KIAA1328: variants seen among roughly 807,000 people sequenced by gnomAD.
KIAA1328 encodes KIAA1328.
In KIAA1328, 52 loss-of-function variants were observed where a neutral mutation model predicts 68.1. The ratio of observed to expected loss-of-function variants is 0.76; its 90% CI spans 0.61 to 0.96. The LOEUF is 0.96. KIAA1328 is among the 40% of genes least tolerant of loss of function. KIAA1328 has a pLI of 0.00. For synonymous variants in KIAA1328, 232 were observed against 239.4 expected, an observed-to-expected ratio of 0.97 and a Z score of 0.28; for missense variants, 641 against 677.6, an observed-to-expected ratio of 0.95 and a Z score of 0.60.
intron 3 of KIAA1328, among the ~76,000 whole-genome samples, chr18:36,839,198 GC>G (rs1420713414): frequency 6.6e-6 from 1 of 152,014 alleles, no homozygotes; most frequent in Non-Finnish European, 1.5e-5. Context: ...CAAATACTAG[GC>G]CTCTTGAAGT....
chr18:37,128,890 GA>G (rs926140422), intron 7 of KIAA1328, among the ~76,000 whole-genome samples: 38 of 151,524 alleles, frequency 2.5e-4, no homozygotes, highest in Admixed American at 1.3e-3. Flanking sequence ...TGCTAAATGG[GA>G]AAAAAAAGAC....
intron 7 of KIAA1328, among the ~76,000 whole-genome samples, chr18:37,134,215 G>T (rs1026708231): frequency 6.6e-6 from 1 of 151,968 alleles, no homozygotes; most frequent in Non-Finnish European, 1.5e-5. Flanking sequence ...GTTTCACCAT[G>T]TTGTCCAGGC....
chr18:36,873,135 G>A (rs1424985242), intron 4 of KIAA1328, among the ~76,000 whole-genome samples: 1 of 152,106 alleles, frequency 6.6e-6, no homozygotes, highest in Non-Finnish European at 1.5e-5. Flanking sequence ...TGAGTATGAA[G>A]TCCTGGCTCA....
Position 37,222,467 on chromosome 18 carries a change from A to G in KIAA1328, c.*240A>G. On this transcript the variant is annotated 3_prime_UTR_variant, in exon 10 of 10. Transcript: ENST00000280020. Reference sequence around the variant, plus strand: ...GAAGATGGTATCTTTTATATGCTAAACAGATTAGAAAATTAACATAGGATA... The same window carrying G: ...GAAGATGGTATCTTTTATATGCTAAGCAGATTAGAAAATTAACATAGGATA... 7.5e-7 allele frequency: 1 copy of G among 1,334,638 alleles called. No individual in the cohort carries two copies. Among genetic ancestry groups the G allele is most frequent in the East Asian group, 3.1e-5 (1 of 31,802 alleles). The allele number at this position is 1,334,638 out of a possible 1,614,324, so 82.7% of individuals were successfully genotyped here. A position where few individuals can be genotyped will look rare whatever the true frequency, so the allele number is the denominator to read the frequency against.
At chr18:37,172,950 T>G in intron 8 of KIAA1328, 23 bp from the exon 9 acceptor site, 1 of 1,556,678 alleles carries the variant, frequency 6.4e-7, no homozygotes, top group South Asian at 1.2e-5. Flanking sequence ...ATGCCCAAAT[T>G]ATTTTCTTTA....
chr18:36,995,673 A>G (rs1037407787), intron 6 of KIAA1328, among the ~76,000 whole-genome samples: 40 of 152,216 alleles, frequency 2.6e-4, no homozygotes, highest in Non-Finnish European at 5.9e-5. Flanking sequence ...TGCATATACA[A>G]TGAACTGCTG....
intron 5 of KIAA1328, among the ~76,000 whole-genome samples, chr18:36,935,613 G>A (rs10164233): frequency 0.6 from 90,570 of 151,984 alleles, 28,836 homozygotes; most frequent in East Asian, 0.87. Context: ...TTATGGGGGT[G>A]GGGAGTGATC....
chr18:36,838,844 C>T (rs1391615369), intron 3 of KIAA1328, among the ~76,000 whole-genome samples: 4 of 152,096 alleles, frequency 2.6e-5, no homozygotes, highest in East Asian at 3.9e-4. Flanking sequence ...AAGTGATTCT[C>T]CTACCTCAGC....
At chr18:37,071,753 G>T (rs930441197) in intron 7 of KIAA1328, among the ~76,000 whole-genome samples, 3 of 152,042 alleles carry the variant, frequency 2.0e-5, no homozygotes, top group African/African-American at 4.8e-5. Flanking sequence ...TTGTTTTATT[G>T]GTTGCTCTAA....
chr18:36,895,845 G>T, intron 5 of KIAA1328: 1 of 454,020 alleles, frequency 2.2e-6, no homozygotes, highest in Non-Finnish European at 4.4e-6. Context: ...AGAGCAGAGA[G>T]ATCTCTCTGT....
intron 6 of KIAA1328, among the ~76,000 whole-genome samples, chr18:36,985,019 G>T (rs1464205012): frequency 6.6e-6 from 1 of 151,938 alleles, no homozygotes; most frequent in African/African-American, 2.4e-5. Context: ...TTCAATGAAG[G>T]ACTGGGCACA....
At chr18:37,099,254 C>G (rs990093983) in intron 7 of KIAA1328, among the ~76,000 whole-genome samples, 14 of 152,130 alleles carry the variant, frequency 9.2e-5, no homozygotes, top group African/African-American at 3.4e-4. Context: ...GAATGTGTCC[C>G]AGAGATTCTG....
chr18:37,084,168 GA>G, intron 7 of KIAA1328: 2 of 1,524,600 alleles, frequency 1.3e-6, no homozygotes, highest in Admixed American at 2.0e-5. Context: ...ACTGGTTGCT[GA>G]AAAACAGCTT....
intron 3 of KIAA1328, among the ~76,000 whole-genome samples, chr18:36,841,546 T>C (rs1217196967): frequency 6.6e-6 from 1 of 152,094 alleles, no homozygotes; most frequent in Non-Finnish European, 1.5e-5. Flanking sequence ...GTAATTCGTA[T>C]CCTGAACTTT....
intron 6 of KIAA1328, among the ~76,000 whole-genome samples, chr18:36,990,109 C>T (rs2053114771): frequency 6.6e-6 from 1 of 152,120 alleles, no homozygotes; most frequent in South Asian, 2.1e-4. Context: ...CTGTATTCTC[C>T]TTCAGCAATA....
In KIAA1328 at chr18:37,204,057, G is replaced by A. The variant is rs573061139; in HGVS notation, c.1524-17960G>A. Among the ~76,000 whole-genome samples, 160 of 152,220 alleles carry A rather than the reference G, an allele frequency of 1.1e-3. 2 individuals carry two copies. Among genetic ancestry groups the A allele is most frequent in the Non-Finnish European group, 1.0e-3 (69 of 67,996 alleles). ...GATCTCCTGACCTTGTGATCTGCCC[G>A]CCTCGGCCTCCCAAAGTGCTGGGAT... On this transcript the variant is annotated intron_variant, in intron 9 of 9. Coordinates refer to ENST00000280020, the MANE Select transcript of KIAA1328 (RefSeq NM_020776.3).
chr18:37,185,231 A>T (rs1001015432), intron 9 of KIAA1328, among the ~76,000 whole-genome samples: 2 of 152,126 alleles, frequency 1.3e-5, no homozygotes, highest in Non-Finnish European at 2.9e-5. Flanking sequence ...TGTCATTCAC[A>T]GCATGGCACA....
At chr18:37,212,397 G>A (rs887184701) in intron 9 of KIAA1328, among the ~76,000 whole-genome samples, 49 of 152,204 alleles carry the variant, frequency 3.2e-4, no homozygotes, top group African/African-American at 1.1e-3. Flanking sequence ...GAAAGTAGTC[G>A]AATCTTGCCT....
At position 36,835,238 on chromosome 18, in the gene KIAA1328, T is replaced by G; in HGVS notation, c.99T>G (p.Ile33Met). ...TTGTTTAATGGAAATCCTTAGGAAT[T>G]TCTGCTGAAGGAAATGTCAGATCAA... ...EEQSVVYVPGISAEGNVRSRH... is the reference protein window; with the variant it reads ...EEQSVVYVPGMSAEGNVRSRH... Residue 33 changes from isoleucine (I) to methionine (M), a missense_variant, in exon 3 of 10, where the codon ATT becomes ATG. Coordinates refer to ENST00000280020, the MANE Select transcript of KIAA1328 (RefSeq NM_020776.3). The G allele has an allele frequency of 6.2e-7, 1 of 1,610,198 alleles. No individual in the cohort carries two copies. The highest frequency in any genetic ancestry group is 8.5e-7 in the Non-Finnish European group (1 of 1,178,508).
Sources: gnomAD v4.1 joint callset for allele counts (sites outside exome capture counted in the v4.1 genomes callset) on GRCh38, gnomAD v4.1.1 for gene constraint, MANE v1.5 for transcripts, NCBI Gene and HGNC (gene_info 2026-07-23, HGNC 2026-07-21) for gene names.